The following NTMT1 variants were observed in gnomAD, a reference collection of about 807,000 sequenced individuals.
NTMT1 encodes the protein N-terminal RCC1 methyltransferase.
NTMT1 carries 8 observed loss-of-function variants against 17.5 expected under a neutral mutation model. The ratio of observed to expected loss-of-function variants is 0.46; its 90% confidence interval spans 0.27 to 0.82. The LOEUF is 0.82. Ranked by LOEUF, NTMT1 falls within the 40% of genes least tolerant of loss-of-function variation. NTMT1 has a pLI of 0.15. For missense variants in NTMT1, 221 were observed against 303.5 expected (o/e 0.73, Z 2.02); for synonymous variants, 128 against 126.8 (o/e 1.01, Z -0.06).
At chr9:129,612,231 T>G in intron 1 of NTMT1, 1 of 795,762 alleles carries the variant, frequency 1.3e-6, no homozygotes, top group South Asian at 1.6e-5. Context: ...AGGCTTGTGG[T>G]GTGACACCTA....
At chr9:129,633,093 T>G (rs1831270655) in intron 2 of NTMT1, 1 of 529,104 alleles carries the variant, frequency 1.9e-6, no homozygotes. Flanking sequence ...TTAGGCAGAA[T>G]TGAGGTGCCT....
At chr9:129,608,952 G>C (rs1237374) in exon 1 of NTMT1, 30,749 of 152,376 alleles carry the variant, frequency 0.2, 3,440 homozygotes, top group East Asian at 0.32. Flanking sequence ...GGGAGACGGG[G>C]CTTCCCCGTG....
At chr9:129,610,554 C>T (rs897763510) in intron 1 of NTMT1, among the ~76,000 whole-genome samples, 2 of 151,872 alleles carry the variant, frequency 1.3e-5, no homozygotes, top group Non-Finnish European at 2.9e-5. Context: ...GCCAGGAGGT[C>T]GCGCGGCCGG....
intron 1 of NTMT1, among the ~76,000 whole-genome samples, chr9:129,612,665 G>A (rs999476147): frequency 6.6e-6 from 1 of 152,226 alleles, no homozygotes; most frequent in Non-Finnish European, 1.5e-5. Flanking sequence ...ATCACCTGAG[G>A]TCAGGAGTTC....
At position 129,620,555 on chromosome 9, in the gene NTMT1, C is replaced by G; in HGVS notation, c.-55+11377C>G. ...GGGCGCCAGGTCCTGGGCCCCTGGG[C>G]GAAGTCGACGCCAGAACATGCTTGG... On this transcript the variant is annotated intron_variant, in intron 1 of 3. Coordinates refer to the NTMT1 transcript ENST00000372486. This position sits in a 1 kb window ranked among gnomAD's most constrained non-coding sequence, Gnocchi z 5.8. The G allele has an allele frequency of 7.2e-7, 1 of 1,389,532 alleles. No homozygotes were observed. Among genetic ancestry groups the G allele is most frequent in the South Asian group, 1.6e-5 (1 of 61,440 alleles). The allele number at this position is 1,389,532 out of a possible 1,614,324, so 86.1% of individuals were successfully genotyped here. A position where few individuals can be genotyped will look rare whatever the true frequency, so the allele number is the denominator to read the frequency against.
rs745395372 is a variant in NTMT1, at chr9:129,634,263, G to A, written c.372G>A (p.Pro124=). ...GTTGTGGGCTCCAGGACTTCACCCC[G>A]GAGCCGGACTCTTACGACGTGATCT... is the stretch of plus-strand genomic sequence containing the variant. ...YFCCGLQDFT[P]EPDSYDVIWI... The change falls in exon 3 of 4, where the codon CCG becomes CCA. Residue 124 remains proline (P), a synonymous_variant. Coordinates refer to ENST00000372483, the MANE Select transcript of NTMT1 (RefSeq NM_014064.4). 2.2e-5 allele frequency: 36 copies of A among 1,613,142 alleles called. No homozygotes were observed. In the Middle Eastern group the frequency reaches 4.9e-4, roughly 22 times the overall value.
chr9:129,613,617 G>A lies in NTMT1; in HGVS notation c.-55+4439G>A. 1.1e-5 allele frequency: 17 copies of A among 1,613,868 alleles called. No homozygotes were observed. The highest frequency in any genetic ancestry group is 1.3e-5 in the Non-Finnish European group (15 of 1,179,950). On this transcript the variant is annotated intron_variant, in intron 1 of 3. Transcript: ENST00000372486. This position sits in a 1 kb window ranked among gnomAD's most constrained non-coding sequence, Gnocchi z 6.2. ...GTTGGACTGCAGGAAAGAGGGCAGG[G>A]TGAGATCTCTGCCCAGGAGGAGGGC...
chr9:129,624,389 T>C (rs1212946094), upstream of NTMT1, among the ~76,000 whole-genome samples: 2 of 152,196 alleles, frequency 1.3e-5, no homozygotes, highest in African/African-American at 4.8e-5. Flanking sequence ...TCAATCCCTT[T>C]GCTTAAAGAC....
In NTMT1 at chr9:129,613,712, C is replaced by T. The variant is rs1319760256; in HGVS notation, c.-55+4534C>T. ...GGTCAGAGCCCTGTCTCCATGGCAA[C>T]CCCAGGCTCCCCAGCGCCTTCTGGC... On this transcript the variant is annotated intron_variant, in intron 1 of 3. Coordinates refer to the NTMT1 transcript ENST00000372486. This position sits in a 1 kb window ranked among gnomAD's most constrained non-coding sequence, Gnocchi z 6.2. 8 of 1,282,222 alleles carry T rather than the reference C, an allele frequency of 6.2e-6. No homozygotes were observed. Among genetic ancestry groups the T allele is most frequent in the Non-Finnish European group, 8.6e-6 (8 of 927,534 alleles). The allele number at this position is 1,282,222 out of a possible 1,614,324, so 79.4% of individuals were successfully genotyped here. A position where few individuals can be genotyped will look rare whatever the true frequency, so the allele number is the denominator to read the frequency against.
upstream of NTMT1, among the ~76,000 whole-genome samples, chr9:129,625,702 A>ATT (rs1008896003): frequency 6.8e-6 from 1 of 147,960 alleles, no homozygotes. Context: ...CCCGTCTCTA[A>ATT]TTTTTTTTTT....
Position 129,620,689 on chromosome 9 carries a change from C to T in NTMT1, c.-55+11511C>T. ...CCATAGTGCCCCGGGCGGGGCAGCG[C>T]GGTGCGGGGTGAACGCCACCGGCCC... is the stretch of plus-strand genomic sequence containing the variant. On this transcript the variant is annotated intron_variant, in intron 1 of 3. Coordinates refer to the NTMT1 transcript ENST00000372486. This position sits in a 1 kb window ranked among gnomAD's most constrained non-coding sequence, Gnocchi z 5.8. 2.0e-6 allele frequency: 2 copies of T among 999,866 alleles called. No homozygotes were observed. The highest frequency in any genetic ancestry group is 2.6e-6 in the Non-Finnish European group (2 of 776,670). 61.9% of individuals were successfully genotyped at this position (999,866 alleles called of 1,614,324 possible).
At position 129,620,446 on chromosome 9, in the gene NTMT1, A is replaced by G. The variant is rs775470732; in HGVS notation, c.-55+11268A>G. ...AGTCCCCGGAGCCCCGCGCGCCCAG[A>G]GCCGCTCGGAGCGCGGGCGGGGTCA... is the stretch of plus-strand genomic sequence containing the variant. On this transcript the variant is annotated intron_variant, in intron 1 of 3. Coordinates refer to the NTMT1 transcript ENST00000372486. This position sits in a 1 kb window ranked among gnomAD's most constrained non-coding sequence, Gnocchi z 5.8. The G allele has an allele frequency of 2.3e-6, 3 of 1,308,814 alleles. No homozygotes were observed. The Admixed American group carries it at 1.1e-4, about 49-fold the overall frequency. The allele number at this position is 1,308,814 out of a possible 1,614,324, so 81.1% of individuals were successfully genotyped here.
In NTMT1 at chr9:129,614,806, G is replaced by T. The variant is rs1830270633; in HGVS notation, c.-55+5628G>T. 6.6e-6 allele frequency among the ~76,000 whole-genome samples: 1 copy of T among 152,186 alleles called. No homozygotes were observed. ...AATCCCAGGTACTCAGGAGGCTGAGGCAGGAGAATGGCATGAACCCGGGAG... is the reference window on the plus strand; with the variant it reads ...AATCCCAGGTACTCAGGAGGCTGAGTCAGGAGAATGGCATGAACCCGGGAG... On this transcript the variant is annotated intron_variant, in intron 1 of 3. Coordinates refer to the NTMT1 transcript ENST00000372486. The surrounding 1 kb of genome is among the most constrained non-coding windows in gnomAD (Gnocchi z 4.4).
At chr9:129,616,311 G>A (rs965629289) in intron 1 of NTMT1, among the ~76,000 whole-genome samples, 3 of 152,168 alleles carry the variant, frequency 2.0e-5, no homozygotes, top group Non-Finnish European at 4.4e-5. Flanking sequence ...CGCCTCCCGG[G>A]TTCACGCCAT....
Position 129,632,414 on chromosome 9 carries a change from A to G in NTMT1, c.-54-236A>G, listed in dbSNP as rs551695793. On this transcript the variant is annotated intron_variant, in intron 1 of 3. Transcript: ENST00000372483. ...AGCTATGATCACACCACTGCACTCCAGAAAAAATAAAAATGTAAAAGAACT... is the reference window on the plus strand; with the variant it reads ...AGCTATGATCACACCACTGCACTCCGGAAAAAATAAAAATGTAAAAGAACT... Among the ~76,000 whole-genome samples, 8 of 152,346 alleles carry G rather than the reference A, an allele frequency of 5.3e-5. No individual in the cohort carries two copies. In the South Asian group the frequency reaches 1.2e-3, roughly 24 times the overall value.
At chr9:129,610,260 G>A (rs1830082030) in intron 1 of NTMT1, among the ~76,000 whole-genome samples, 2 of 136,206 alleles carry the variant, frequency 1.5e-5, no homozygotes, top group African/African-American at 2.8e-5. Context: ...GAAGGGGAGG[G>A]GTAAGCGGTA....
rs1588108746 is a variant in NTMT1, at chr9:129,613,083, C to G, written c.-55+3905C>G. ...AGCAGGGGCTCACCAGCTTCTAGGT[C>G]CAGGAGCAAGACCATTTGCCCACCT... On this transcript the variant is annotated intron_variant, in intron 1 of 3. Transcript: ENST00000372486. This position sits in a 1 kb window ranked among gnomAD's most constrained non-coding sequence, Gnocchi z 6.2. 1 of 1,613,250 alleles carries G rather than the reference C, an allele frequency of 6.2e-7. No homozygotes were observed. The highest frequency in any genetic ancestry group is 2.2e-5 in the East Asian group (1 of 44,872).
In NTMT1 at chr9:129,620,622, G is replaced by A; in HGVS notation, c.-55+11444G>A. On this transcript the variant is annotated intron_variant, in intron 1 of 3. Transcript: ENST00000372486. The surrounding 1 kb of genome is among the most constrained non-coding windows in gnomAD (Gnocchi z 5.8). ...CCGCACCCTCAGCGCGCGTGGGTGG[G>A]GGGCGCCGGCTGAGGTGGGGAGGGC... 1 of 1,292,370 alleles carries A rather than the reference G, an allele frequency of 7.7e-7. No homozygotes were observed. The highest frequency in any genetic ancestry group is 9.8e-7 in the Non-Finnish European group (1 of 1,019,846). 80.1% of individuals were successfully genotyped at this position (1,292,370 alleles called of 1,614,324 possible).
At chr9:129,633,056 T>C in intron 2 of NTMT1, 191 bp downstream of exon 2, 1 of 574,760 alleles carries the variant, frequency 1.7e-6, no homozygotes, top group Non-Finnish European at 3.0e-6. Context: ...GGACTTAGCC[T>C]CAGGGTTACC....
Sources: gnomAD v4.1 joint callset for allele counts (sites outside exome capture counted in the v4.1 genomes callset) on GRCh38, gnomAD v4.1.1 for gene constraint, Gnocchi (gnomAD v3.1) non-coding constraint, MANE v1.5 for transcripts, NCBI Gene and HGNC (gene_info 2026-07-23, HGNC 2026-07-21) for gene names.